The following RTN1 variants were observed in gnomAD, a reference collection of about 807,000 sequenced individuals.
RTN1 encodes reticulon 1, also known as reticulon-1.
A neutral mutation model predicts 65.5 loss-of-function variants in RTN1; 25 were observed. That is an observed-to-expected ratio of 0.38 (90% CI 0.28 to 0.53). The LOEUF (loss-of-function observed/expected upper bound fraction) is 0.53, where lower values mean the gene tolerates loss of function less well. Among genes scored for constraint, RTN1 ranks in the 20% least tolerant of loss-of-function variants. The pLI is 0.79. For missense variants in RTN1, 983 were observed against 1,025.4 expected, an observed-to-expected ratio of 0.96 and a Z score of 0.57; for synonymous variants, 471 against 447.6, an observed-to-expected ratio of 1.05 and a Z score of -0.66.
At chr14:59,651,963 T>C (rs2140199967) in intron 3 of RTN1, among the ~76,000 whole-genome samples, 1 of 152,016 alleles carries the variant, frequency 6.6e-6, no homozygotes, top group South Asian at 2.1e-4. Context: ...ATATCCACCA[T>C]TTATAAGGAA....
At chr14:59,783,341 A>G (rs1303682648) in intron 1 of RTN1, among the ~76,000 whole-genome samples, 1 of 152,144 alleles carries the variant, frequency 6.6e-6, no homozygotes, top group African/African-American at 2.4e-5. Flanking sequence ...GTGGGGTTAT[A>G]CCTTATGAGA....
intron 1 of RTN1, among the ~76,000 whole-genome samples, chr14:59,863,388 T>C (rs1192568555): frequency 6.6e-6 from 1 of 152,158 alleles, no homozygotes; most frequent in Non-Finnish European, 1.5e-5. Flanking sequence ...TTTGAATGAC[T>C]TCCTCATTGT....
chr14:59,699,917 C>T (rs1224179371), intron 3 of RTN1, among the ~76,000 whole-genome samples: 1 of 152,114 alleles, frequency 6.6e-6, no homozygotes, highest in Non-Finnish European at 1.5e-5. Flanking sequence ...ATCAGCTTTT[C>T]CTGCCAACAA....
intron 3 of RTN1, among the ~76,000 whole-genome samples, chr14:59,700,644 A>C (rs1383241209): frequency 1.3e-5 from 2 of 152,196 alleles, no homozygotes; most frequent in East Asian, 1.9e-4. Flanking sequence ...TTTAACAAAC[A>C]GTACTGAGAC....
At chr14:59,777,826 A>AC (rs1886081862) in intron 1 of RTN1, among the ~76,000 whole-genome samples, 316 of 51,298 alleles carry the variant, frequency 6.2e-3, no homozygotes, top group African/African-American at 0.032. Flanking sequence ...CAACAACAAA[A>AC]AAAAAAAACA....
intron 1 of RTN1, among the ~76,000 whole-genome samples, chr14:59,761,305 T>A (rs2139545430): frequency 6.6e-6 from 1 of 152,278 alleles, no homozygotes; most frequent in East Asian, 1.9e-4. Flanking sequence ...CAGGTGGAGA[T>A]AATTAAATCA....
chr14:59,610,140 C>T (rs1375191842), intron 3 of RTN1: 7 of 776,126 alleles, frequency 9.0e-6, no homozygotes, highest in Non-Finnish European at 7.2e-6. Context: ...AATGGCATGC[C>T]CTCTAGGGAA....
At chr14:59,736,962 C>T (rs1885014027) in intron 2 of RTN1, among the ~76,000 whole-genome samples, 1 of 152,178 alleles carries the variant, frequency 6.6e-6, no homozygotes, top group Non-Finnish European at 1.5e-5. Context: ...TAAAATTCAA[C>T]ATTCCTTCAT....
intron 3 of RTN1, among the ~76,000 whole-genome samples, chr14:59,721,487 G>C (rs144502626): frequency 1.1e-4 from 16 of 152,342 alleles, no homozygotes; most frequent in African/African-American, 3.8e-4. Context: ...TCAAGCTTCA[G>C]TGTGATTATT....
chr14:59,691,492 C>T (rs905718898), intron 3 of RTN1, among the ~76,000 whole-genome samples: 4 of 152,072 alleles, frequency 2.6e-5, no homozygotes, highest in African/African-American at 9.7e-5. Context: ...ACACCCAAAT[C>T]CTACCAGACA....
At chr14:59,634,935 G>T (rs1188315960) in intron 3 of RTN1, among the ~76,000 whole-genome samples, 1 of 152,198 alleles carries the variant, frequency 6.6e-6, no homozygotes, top group African/African-American at 2.4e-5. Flanking sequence ...TGCCAGTCCT[G>T]AGTAGTAATA....
At chr14:59,852,778 C>T (rs1887532338) in intron 1 of RTN1, among the ~76,000 whole-genome samples, 1 of 152,170 alleles carries the variant, frequency 6.6e-6, no homozygotes, top group Non-Finnish European at 1.5e-5. Flanking sequence ...GCCACAAATT[C>T]AGTTAGAGTA....
chr14:59,850,488 AT>A (rs1887484878), intron 1 of RTN1, among the ~76,000 whole-genome samples: 1 of 152,248 alleles, frequency 6.6e-6, no homozygotes, highest in African/African-American at 2.4e-5. Context: ...CTTTTGCACC[AT>A]TGTAAAGTTA....
At chr14:59,838,399 A>T (rs1887251328) in intron 1 of RTN1, among the ~76,000 whole-genome samples, 1 of 152,186 alleles carries the variant, frequency 6.6e-6, no homozygotes, top group African/African-American at 2.4e-5. Flanking sequence ...AAAGTGTACA[A>T]ACAACCACGT....
chr14:59,838,143 T>A (rs1313559284), intron 1 of RTN1, among the ~76,000 whole-genome samples: 1 of 152,182 alleles, frequency 6.6e-6, no homozygotes, highest in Non-Finnish European at 1.5e-5. Flanking sequence ...ATTGTTCCTG[T>A]CTTTATGTCC....
chr14:59,838,513 G>A (rs1012674531), intron 1 of RTN1, among the ~76,000 whole-genome samples: 4 of 151,996 alleles, frequency 2.6e-5, no homozygotes, highest in African/African-American at 9.7e-5. Context: ...TCTATAGGAT[G>A]GAATACTAGG....
intron 1 of RTN1, among the ~76,000 whole-genome samples, chr14:59,822,280 T>C (rs1177744836): frequency 6.6e-6 from 1 of 152,172 alleles, no homozygotes; most frequent in African/African-American, 2.4e-5. Flanking sequence ...TCTTCTAGGT[T>C]TTCTAGTTTG....
In RTN1 at chr14:59,825,663, C is replaced by T. The variant is rs1887018304; in HGVS notation, c.241+44727G>A. The stretch of plus-strand genomic sequence containing the variant: ...ATCAAACCACGGAGTCCACACAAAG[C>T]ACGGTGGCCAAGGAATAGTGTTACT... On this transcript the variant is annotated intron_variant, in intron 1 of 8. Transcript: ENST00000267484. The surrounding 1 kb of genome is among the most constrained non-coding windows in gnomAD (Gnocchi z 4.2). 6.6e-6 allele frequency among the ~76,000 whole-genome samples: 1 copy of T among 152,208 alleles called. No individual in the cohort carries two copies. The highest frequency in any genetic ancestry group is 1.5e-5 in the Non-Finnish European group (1 of 68,042).
At position 59,852,063 on chromosome 14, in the gene RTN1, C is replaced by T. The variant is rs1887518836; in HGVS notation, c.241+18327G>A. ...AATTTAAAATAAACTCACAGAAGTT[C>T]AATTCTGGTAATTCAAACATAATGG... On this transcript the variant is annotated intron_variant, in intron 1 of 8. Transcript: ENST00000267484. 2.6e-5 allele frequency among the ~76,000 whole-genome samples: 4 copies of T among 152,060 alleles called. No homozygotes were observed. The South Asian group carries it at 8.3e-4, about 32-fold the overall frequency.
Sources: allele counts gnomAD v4.1 joint callset (sites outside exome capture counted in the v4.1 genomes callset), GRCh38; gene constraint gnomAD v4.1.1; non-coding constraint Gnocchi (gnomAD v3.1); transcripts MANE v1.5; gene names NCBI Gene and HGNC (gene_info 2026-07-23, HGNC 2026-07-21).